Variants in RGS3 observed in about 807,000 individuals in gnomAD.
The protein encoded by RGS3 is regulator of G-protein signalling 3.
RGS3 carries 80 observed loss-of-function variants against 132.6 expected under a neutral mutation model. The ratio of observed to expected loss-of-function variants is 0.60; its 90% confidence interval spans 0.50 to 0.73. The LOEUF (loss-of-function observed/expected upper bound fraction) is 0.73. Ranked by LOEUF, RGS3 falls within the 30% of genes least tolerant of loss-of-function variation. The probability of loss-of-function intolerance (pLI) is 0.00; values close to 1 mark genes in which losing one functional copy is unlikely to be tolerated. For synonymous variants in RGS3, 598 were observed against 620.6 expected (o/e 0.96, Z 0.54); for missense variants, 1,382 against 1,530.8 (o/e 0.90, Z 1.62).
intron 19 of RGS3, among the ~76,000 whole-genome samples, chr9:113,578,089 G>T (rs1420780537): frequency 6.6e-6 from 1 of 152,242 alleles, no homozygotes; most frequent in Non-Finnish European, 1.5e-5. Context: ...GCCAGATGGT[G>T]CAGATAGCGA....
At chr9:113,479,672 C>A in intron 4 of RGS3, 131 bp downstream of exon 2, 1 of 815,938 alleles carries the variant, frequency 1.2e-6, no homozygotes. Flanking sequence ...AAGGATGTGT[C>A]CATTGATAAA....
intron 15 of RGS3, among the ~76,000 whole-genome samples, chr9:113,514,929 C>A (rs939886524): frequency 3.3e-5 from 5 of 152,106 alleles, no homozygotes; most frequent in Non-Finnish European, 5.9e-5. Flanking sequence ...GGGGAAAGGG[C>A]AGGTGCACCC....
At chr9:113,535,705 G>T (rs1564538691) in intron 18 of RGS3, among the ~76,000 whole-genome samples, 1 of 150,502 alleles carries the variant, frequency 6.6e-6, no homozygotes, top group East Asian at 1.9e-4. Flanking sequence ...GGGCTGGATA[G>T]AAACACTGTC....
intron 3 of RGS3, among the ~76,000 whole-genome samples, chr9:113,473,860 C>T (rs1829911225): frequency 6.6e-6 from 1 of 152,202 alleles, no homozygotes; most frequent in Non-Finnish European, 1.5e-5. Flanking sequence ...CATGTGTGTG[C>T]CTAGCCTGGT....
chr9:113,595,776 A>G lies in RGS3; in HGVS notation c.3411+11A>G, dbSNP rs1234568660. The G allele has an allele frequency of 5.0e-6, 8 of 1,611,442 alleles. No homozygotes were observed. Among genetic ancestry groups the G allele is most frequent in the Admixed American group, 3.3e-5 (2 of 59,964 alleles). On this transcript the variant is annotated intron_variant, in intron 24 of 24. Transcript: ENST00000350696. Reference sequence around the variant, plus strand: ...CAGGCATGCAAGGAGGTAGGACCTCAGGGCAGACCCTCCGCTCCTCCAATC... The same window carrying G: ...CAGGCATGCAAGGAGGTAGGACCTCGGGGCAGACCCTCCGCTCCTCCAATC...
At chr9:113,509,531 C>T (rs1831308302) in intron 14 of RGS3, among the ~76,000 whole-genome samples, 1 of 152,196 alleles carries the variant, frequency 6.6e-6, no homozygotes, top group African/African-American at 2.4e-5. Flanking sequence ...AAGCTGAGCT[C>T]AAAACCACTT....
chr9:113,580,287 C>T (rs1353341990), intron 19 of RGS3, among the ~76,000 whole-genome samples: 2 of 152,214 alleles, frequency 1.3e-5, no homozygotes, highest in Non-Finnish European at 2.9e-5. Flanking sequence ...TGTAAGGCTC[C>T]AAGGAAACAG....
chr9:113,549,406 C>CGGAG (rs1833240460), intron 19 of RGS3, among the ~76,000 whole-genome samples: 1 of 152,212 alleles, frequency 6.6e-6, no homozygotes, highest in Non-Finnish European at 1.5e-5. Context: ...TTGGGGCCTC[C>CGGAG]ACTCATGAGG....
At chr9:113,511,994 T>A (rs1831425116) in intron 14 of RGS3, among the ~76,000 whole-genome samples, 1 of 152,180 alleles carries the variant, frequency 6.6e-6, no homozygotes, top group African/African-American at 2.4e-5. Context: ...GATAATCCCC[T>A]GACTACTCAC....
At chr9:113,474,963 G>A (rs1829947154) in intron 3 of RGS3, among the ~76,000 whole-genome samples, 1 of 152,106 alleles carries the variant, frequency 6.6e-6, no homozygotes, top group Non-Finnish European at 1.5e-5. Flanking sequence ...GTTCATCTGT[G>A]GTTCTCTACT....
chr9:113,472,744 T>A (rs889790322), intron 3 of RGS3, among the ~76,000 whole-genome samples: 9 of 152,166 alleles, frequency 5.9e-5, no homozygotes, highest in African/African-American at 2.2e-4. Flanking sequence ...GAAAATTACA[T>A]GCTTTAAATT....
At chr9:113,588,739 G>A (rs1181302768) in intron 20 of RGS3, among the ~76,000 whole-genome samples, 2 of 152,240 alleles carry the variant, frequency 1.3e-5, no homozygotes, top group African/African-American at 4.8e-5. Context: ...GCTCACTGCT[G>A]TGTGTTGGGC....
In RGS3 at chr9:113,565,641, C is replaced by T; in HGVS notation, c.2038-17809C>T. 1 of 276,954 alleles carries T rather than the reference C, an allele frequency of 3.6e-6. No individual in the cohort carries two copies. The allele number at this position is 276,954 out of a possible 1,614,324, so 17.2% of individuals were successfully genotyped here. ...GAGCTGCCACAGCCACGGCCGCCCG[C>T]CTGCGGGAGGAGCCGGGTGGAAACC... On this transcript the variant is annotated intron_variant, in intron 19 of 24. Coordinates refer to ENST00000350696, the Ensembl canonical transcript of RGS3. This position sits in a 1 kb window ranked among gnomAD's most constrained non-coding sequence, Gnocchi z 5.7.
chr9:113,588,063 A>G (rs1321210628), intron 20 of RGS3, among the ~76,000 whole-genome samples: 1 of 152,196 alleles, frequency 6.6e-6, no homozygotes, highest in Non-Finnish European at 1.5e-5. Flanking sequence ...ACAGAGGGTC[A>G]TGGGCTATTC....
chr9:113,501,798 G>T (rs556479035), intron 10 of RGS3, among the ~76,000 whole-genome samples: 10 of 152,238 alleles, frequency 6.6e-5, no homozygotes, highest in Non-Finnish European at 1.2e-4. Context: ...TGGACCCAAG[G>T]CCCCTTTAGG....
In RGS3 at chr9:113,507,327, G is replaced by C; in HGVS notation, c.1126G>C (p.Val376Leu). 6.2e-7 allele frequency: 1 copy of C among 1,613,828 alleles called. No homozygotes were observed. The highest frequency in any genetic ancestry group is 8.5e-7 in the Non-Finnish European group (1 of 1,179,984). ...GATCATCCTACTCGTGTGGCGCATG[G>C]TCCCCCAGGTCAAGCCAGGACCAGA... is the stretch of plus-strand genomic sequence containing the variant. Residue 376 changes from valine to leucine, a missense_variant, in exon 13 of 25, where the codon GTC (valine) becomes CTC (leucine). Transcript: ENST00000350696. The surrounding 1 kb of genome is among the most constrained non-coding windows in gnomAD (Gnocchi z 5.0).
At chr9:113,595,173 C>A (rs1835697944) in intron 23 of RGS3, 193 bp downstream of exon 21, 1 of 609,510 alleles carries the variant, frequency 1.6e-6, no homozygotes, top group South Asian at 2.0e-5. Context: ...TTCTGCCAGC[C>A]CCTCCCCGTC....
At chr9:113,554,758 A>C (rs929257548) in intron 19 of RGS3, among the ~76,000 whole-genome samples, 1 of 152,152 alleles carries the variant, frequency 6.6e-6, no homozygotes, top group African/African-American at 2.4e-5. Context: ...ATGGGTTATA[A>C]TTATTTTTCT....
intron 3 of RGS3, 182 bp from the exon 2 acceptor site, chr9:113,479,309 C>G: frequency 3.0e-6 from 2 of 674,410 alleles, no homozygotes; most frequent in East Asian, 2.5e-5. Flanking sequence ...GAAAGGGACT[C>G]CCGATGTGGT....
Sources: allele counts gnomAD v4.1 joint callset (sites outside exome capture counted in the v4.1 genomes callset), GRCh38; gene constraint gnomAD v4.1.1; non-coding constraint Gnocchi (gnomAD v3.1); transcripts MANE v1.5; gene names NCBI Gene and HGNC (gene_info 2026-07-23, HGNC 2026-07-21).